Variants in NTSR1 observed in about 807,000 individuals in gnomAD.
The protein encoded by NTSR1 is neurotensin receptor type 1.
A neutral mutation model predicts 31.2 loss-of-function variants in NTSR1; 29 were observed. That is an observed-to-expected ratio of 0.93 (90% CI 0.69 to 1.27). The LOEUF is 1.27. NTSR1 is among the 50% of genes most tolerant of loss of function. The pLI is 0.00. For synonymous variants in NTSR1, 282 were observed against 269.9 expected (o/e 1.04, Z -0.44); for missense variants, 697 against 595.4 (o/e 1.17, Z -1.78).
At chr20:62,752,872 G>C (rs537355093) in intron 1 of NTSR1, among the ~76,000 whole-genome samples, 1 of 152,028 alleles carries the variant, frequency 6.6e-6, no homozygotes, top group Admixed American at 6.5e-5. Context: ...GGTGGACTTC[G>C]GCCAGAGCAG....
At position 62,754,574 on chromosome 20, in the gene NTSR1, G is replaced by C. The variant is rs73314913; in HGVS notation, c.715-111G>C. 4,772 of 860,308 alleles carry C rather than the reference G, an allele frequency of 5.5e-3. 139 individuals carry two copies. The African/African-American group carries it at 0.065, about 12-fold the overall frequency. The allele number at this position is 860,308 out of a possible 1,614,324, so 53.3% of individuals were successfully genotyped here. A position where few individuals can be genotyped will look rare whatever the true frequency, so the allele number is the denominator to read the frequency against. ...GACCTCCTGAACTTGTGTTGACTGA[G>C]CACCTCACACTGAGCAGGCCTGACA... On this transcript the variant is annotated intron_variant, in intron 1 of 3. Transcript: ENST00000370501.
intron 1 of NTSR1, among the ~76,000 whole-genome samples, chr20:62,726,586 C>G (rs1337915742): frequency 2.0e-5 from 3 of 151,956 alleles, no homozygotes; most frequent in Non-Finnish European, 4.4e-5. Flanking sequence ...TGGCCCCTGC[C>G]TGGGAGGCTG....
chr20:62,712,164 C>T (rs533224208), intron 1 of NTSR1, among the ~76,000 whole-genome samples: 1 of 152,324 alleles, frequency 6.6e-6, no homozygotes, highest in East Asian at 1.9e-4. Context: ...CTGACCCCTG[C>T]CCCGCCATTT....
chr20:62,736,326 C>A (rs78599552), intron 1 of NTSR1, among the ~76,000 whole-genome samples: 3,574 of 152,336 alleles, frequency 0.023, 137 homozygotes, highest in African/African-American at 0.08. Flanking sequence ...CAGAGCCCCA[C>A]TCTCTGTACC....
In NTSR1 at chr20:62,709,688, A is replaced by G. The variant is rs1568693441; in HGVS notation, c.481A>G (p.Ser161Gly). 1.2e-6 allele frequency: 2 copies of G among 1,612,668 alleles called. No homozygotes were observed. Among genetic ancestry groups the G allele is most frequent in the Non-Finnish European group, 1.7e-6 (2 of 1,179,892 alleles). The stretch of plus-strand genomic sequence containing the variant: ...CTACGCCACGGCCCTCAACGTGGCC[A>G]GCCTGAGTGTGGAGCGCTACCTGGC... ...CTYATALNVA[S>G]LSVERYLAIC... The change falls in exon 1 of 4, where the codon AGC becomes GGC. Residue 161 changes from serine to glycine, a missense_variant. Transcript: ENST00000370501.
intron 1 of NTSR1, among the ~76,000 whole-genome samples, chr20:62,723,422 C>T (rs3787533): frequency 1.1e-4 from 16 of 152,146 alleles, no homozygotes; most frequent in African/African-American, 3.9e-4. Flanking sequence ...CGAATAGAGC[C>T]GTCCGGAATG....
In NTSR1 at chr20:62,714,014, C is replaced by T. The variant is rs11698099; in HGVS notation, c.714+4093C>T. ...ACTTGGGAGGCTGAGGCAGGAGAATCGCTTGAGCTTGGGAGGCGGAGGTTG... is the reference window on the plus strand; with the variant it reads ...ACTTGGGAGGCTGAGGCAGGAGAATTGCTTGAGCTTGGGAGGCGGAGGTTG... On this transcript the variant is annotated intron_variant, in intron 1 of 3. Transcript: ENST00000370501. The surrounding 1 kb of genome is among the most constrained non-coding windows in gnomAD (Gnocchi z 4.1). Among the ~76,000 whole-genome samples the T allele has an allele frequency of 6.6e-6, 1 of 152,298 alleles. No homozygotes were observed. The highest frequency in any genetic ancestry group is 1.9e-4 in the East Asian group (1 of 5,176).
In NTSR1 at chr20:62,722,964, T is replaced by C. The variant is rs557349030; in HGVS notation, c.714+13043T>C. Among the ~76,000 whole-genome samples, 5 of 152,322 alleles carry C rather than the reference T, an allele frequency of 3.3e-5. No homozygotes were observed. In the South Asian group the frequency reaches 1.0e-3, roughly 32 times the overall value. On this transcript the variant is annotated intron_variant, in intron 1 of 3. Coordinates refer to ENST00000370501, the MANE Select transcript of NTSR1 (RefSeq NM_002531.3). ...AGAACACAGAACAAAGAAATAGAGT[T>C]ATCCAAGAAACATGAGTCTGAGGAC...
chr20:62,719,461 G>A (rs147973892), intron 1 of NTSR1, among the ~76,000 whole-genome samples: 96 of 150,154 alleles, frequency 6.4e-4, no homozygotes, highest in African/African-American at 2.1e-3. Context: ...TCGGTACATC[G>A]TCATACGATC....
At chr20:62,722,356 G>C (rs1379638543) in intron 1 of NTSR1, among the ~76,000 whole-genome samples, 2 of 152,158 alleles carry the variant, frequency 1.3e-5, no homozygotes, top group East Asian at 3.8e-4. Context: ...CCATCCTCCT[G>C]TGTCATGGGC....
At chr20:62,755,057 C>T (rs1390295920) in intron 2 of NTSR1, among the ~76,000 whole-genome samples, 171 bp downstream of exon 2, 1 of 151,744 alleles carries the variant, frequency 6.6e-6, no homozygotes. Context: ...TTCTGCACTC[C>T]ATCCCTCCCT....
In NTSR1 at chr20:62,745,788, C is replaced by T. The variant is rs1989289892; in HGVS notation, c.715-8897C>T. Among the ~76,000 whole-genome samples, 1 of 152,234 alleles carries T rather than the reference C, an allele frequency of 6.6e-6. No homozygotes were observed. The highest frequency in any genetic ancestry group is 1.5e-5 in the Non-Finnish European group (1 of 68,038). The stretch of plus-strand genomic sequence containing the variant: ...GTCCCCAGGGCTTCCCTGCTGTTGG[C>T]CATGACCCTCCCCTGCTGCTTGGAA... On this transcript the variant is annotated intron_variant, in intron 1 of 3. Transcript: ENST00000370501. The surrounding 1 kb of genome is among the most constrained non-coding windows in gnomAD (Gnocchi z 4.1).
At chr20:62,735,720 C>G (rs1247032779) in intron 1 of NTSR1, among the ~76,000 whole-genome samples, 1 of 152,162 alleles carries the variant, frequency 6.6e-6, no homozygotes, top group Non-Finnish European at 1.5e-5. Flanking sequence ...CCCGACACGG[C>G]GAGGTGAGCT....
Position 62,760,145 on chromosome 20 carries a change from C to G in NTSR1, c.1135C>G (p.Leu379Val). 6.2e-7 allele frequency: 1 copy of G among 1,614,210 alleles called. No homozygotes were observed. Among genetic ancestry groups the G allele is most frequent in the Non-Finnish European group, 8.5e-7 (1 of 1,180,044 alleles). ...ANFRHIFLATLACLCPVWRRR... is the reference protein window; with the variant it reads ...ANFRHIFLATVACLCPVWRRR... ...CTTCCGCCACATCTTCCTGGCCACA[C>G]TGGCCTGCCTCTGCCCGGTGTGGCG... Residue 379 changes from leucine (L) to valine (V), a missense_variant, in exon 4 of 4, where the codon CTG becomes GTG. By Grantham distance (32) the Leu-to-Val change is conservative. Coordinates refer to ENST00000370501, the MANE Select transcript of NTSR1 (RefSeq NM_002531.3).
chr20:62,729,626 AT>A (rs36003279), intron 1 of NTSR1, among the ~76,000 whole-genome samples: 9,683 of 122,556 alleles, frequency 0.079, 297 homozygotes, highest in African/African-American at 0.15. Flanking sequence ...GGGGTTTCTA[AT>A]TTTTTTTTTT....
intron 3 of NTSR1, among the ~76,000 whole-genome samples, chr20:62,759,691 T>C (rs563164265): frequency 8.2e-4 from 122 of 149,462 alleles, no homozygotes; most frequent in East Asian, 7.6e-3. Flanking sequence ...AGGAGAATGG[T>C]GTGAACCCGG....
chr20:62,734,985 C>G (rs1989063682), intron 1 of NTSR1, among the ~76,000 whole-genome samples: 1 of 152,220 alleles, frequency 6.6e-6, no homozygotes, highest in Non-Finnish European at 1.5e-5. Context: ...TGTCCAGAGC[C>G]TGTACAGCCT....
chr20:62,709,642 C>T lies in NTSR1; in HGVS notation c.435C>T (p.Tyr145=), dbSNP rs760547112. The change falls in exon 1 of 4, where the codon TAC becomes TAT. Residue 145 remains tyrosine, a synonymous_variant. Transcript: ENST00000370501. ...AFGDAGCRGY[Y]FLRDACTYAT... Reference sequence around the variant, plus strand: ...GCGACGCCGGCTGCCGCGGCTACTACTTCCTGCGCGACGCCTGCACCTACG... The same window carrying T: ...GCGACGCCGGCTGCCGCGGCTACTATTTCCTGCGCGACGCCTGCACCTACG... 6.2e-6 allele frequency: 10 copies of T among 1,612,390 alleles called. No individual in the cohort carries two copies. The African/African-American group carries it at 6.7e-5, about 11-fold the overall frequency.
intron 3 of NTSR1, 127 bp from the exon 4 acceptor site, chr20:62,759,891 T>C: frequency 1.1e-6 from 1 of 873,002 alleles, no homozygotes; most frequent in Admixed American, 2.2e-5. Flanking sequence ...AAACAACCAT[T>C]CTCAAGGGGT....
Sources: allele counts gnomAD v4.1 joint callset (sites outside exome capture counted in the v4.1 genomes callset), GRCh38; gene constraint gnomAD v4.1.1; non-coding constraint Gnocchi (gnomAD v3.1); transcripts MANE v1.5; gene names NCBI Gene and HGNC (gene_info 2026-07-23, HGNC 2026-07-21).